Variants in RAD50 observed in about 807,000 individuals in gnomAD.
RAD50 encodes RAD50 double strand break repair protein.
RAD50 carries 132 observed loss-of-function variants against 168.8 expected under a neutral mutation model. The ratio of observed to expected loss-of-function variants is 0.78; its 90% confidence interval spans 0.68 to 0.90. The LOEUF (loss-of-function observed/expected upper bound fraction) is 0.90, where lower values mean the gene tolerates loss of function less well. Ranked by LOEUF, RAD50 falls within the 40% of genes least tolerant of loss-of-function variation. RAD50 has a pLI of 0.00. For synonymous variants in RAD50, 525 were observed against 497.4 expected, an observed-to-expected ratio of 1.06 and a Z score of -0.74; for missense variants, 1,347 against 1,534.4, an observed-to-expected ratio of 0.88 and a Z score of 2.04.
chr5:132,575,876 A>G lies in RAD50; in HGVS notation c.313A>G (p.Lys105Glu), dbSNP rs769943678. ...GCAAAGATCTATGGTGTGTACTCAG[A>G]AAAGCAAAAAGACAGAATTTAAAAC... ...AVQRSMVCTQ[K>E]SKKTEFKTLE... The change falls in exon 3 of 25, where the codon AAA (lysine) becomes GAA (glutamate). Residue 105 changes from lysine to glutamate, a missense_variant. This residue lies in a region of RAD50 where 703 missense variants were observed against 767.7 expected (regional missense o/e 0.92). Transcript: ENST00000378823. 1.9e-6 allele frequency: 3 copies of G among 1,610,828 alleles called. No individual in the cohort carries two copies. The highest frequency in any genetic ancestry group is 2.2e-5 in the South Asian group (2 of 90,994).
chr5:132,636,754 C>CCT (rs1193174622), intron 21 of RAD50, among the ~76,000 whole-genome samples: 5 of 152,138 alleles, frequency 3.3e-5, no homozygotes, highest in African/African-American at 1.2e-4. Flanking sequence ...GGAAGCATTC[C>CCT]CTCCAATAAG....
In RAD50 at chr5:132,616,060, AAAG is replaced by A; in HGVS notation, c.3098_3100del (p.Glu1033del). ...TTTAAGAAAAAGAAATGAGGAACTA[AAAG>A]AAGTTGAAGAAGAAAGAAAACAACA... On this transcript the variant is annotated inframe_deletion, in exon 20 of 25. Coordinates refer to ENST00000378823, the MANE Select transcript of RAD50 (RefSeq NM_005732.4). 1 of 1,610,686 alleles carries A rather than the reference AAAG, an allele frequency of 6.2e-7. No individual in the cohort carries two copies. Among genetic ancestry groups the A allele is most frequent in the Non-Finnish European group, 8.5e-7 (1 of 1,177,046 alleles).
rs193005701 is a variant in RAD50 at position 132,633,975 on chromosome 5, G to A, written c.3390-3140G>A. Among the ~76,000 whole-genome samples, 440 of 152,004 alleles carry A rather than the reference G, an allele frequency of 2.9e-3. 1 individual carries two copies. The highest frequency in any genetic ancestry group is 4.8e-3 in the South Asian group (23 of 4,812). ...TGAACTGTTGCAGTTATAAACTAAC[G>A]TTCTATATGCATTTGGGTTTGTTTC... On this transcript the variant is annotated intron_variant, in intron 21 of 24. Coordinates refer to ENST00000378823, the MANE Select transcript of RAD50 (RefSeq NM_005732.4).
At chr5:132,576,447 C>T (rs1750401790) in intron 3 of RAD50, among the ~76,000 whole-genome samples, 1 of 152,184 alleles carries the variant, frequency 6.6e-6, no homozygotes, top group Non-Finnish European at 1.5e-5. Flanking sequence ...GATTAGACTA[C>T]CTTAGATTCA....
In RAD50 at chr5:132,598,509, A is replaced by G. The variant is rs571694635; in HGVS notation, c.2207+2699A>G. Among the ~76,000 whole-genome samples the G allele has an allele frequency of 3.0e-4, 46 of 152,322 alleles. 1 individual carries two copies. Among genetic ancestry groups the G allele is most frequent in the Admixed American group, 2.7e-3 (41 of 15,300 alleles). On this transcript the variant is annotated intron_variant, in intron 13 of 24. Coordinates refer to ENST00000378823, the MANE Select transcript of RAD50 (RefSeq NM_005732.4). Reference sequence around the variant, plus strand: ...TAACAAACCTCAAATCTGTCTCACAATAATTTTTCATGGTTCTGTGGTATG... The same window carrying G: ...TAACAAACCTCAAATCTGTCTCACAGTAATTTTTCATGGTTCTGTGGTATG...
intron 13 of RAD50, among the ~76,000 whole-genome samples, chr5:132,601,653 A>C (rs1051738835): frequency 2.2e-4 from 34 of 152,196 alleles, no homozygotes; most frequent in Non-Finnish European, 8.8e-5. Context: ...GTATAAAAAA[A>C]AACTGTAGGT....
chr5:132,639,729 G>A (rs1459881877), intron 23 of RAD50, among the ~76,000 whole-genome samples: 1 of 152,190 alleles, frequency 6.6e-6, no homozygotes, highest in African/African-American at 2.4e-5. Flanking sequence ...TTTTGCTGAG[G>A]CTCTAGCAGC....
At position 132,603,488 on chromosome 5, in the gene RAD50, A is replaced by T; in HGVS notation, c.2396A>T (p.Gln799Leu). The T allele has an allele frequency of 6.2e-7, 1 of 1,613,536 alleles. No individual in the cohort carries two copies. The change falls in exon 14 of 25, where the codon CAG becomes CTG. Residue 799 changes from glutamine to leucine, a missense_variant and splice_region_variant. Physicochemically the swap from Gln to Leu is moderately radical, Grantham distance 113. Transcript: ENST00000378823. ...GATGTTACAATTATGGAGAGGTTCC[A>T]GGTAAGTTTATTGTAGTTTAAGGCA... ...LTDVTIMERF[Q>L]MELKDVERKI...
chr5:132,618,075 A>C lies in RAD50; in HGVS notation c.3170A>C (p.His1057Pro). 6.2e-7 allele frequency: 1 copy of C among 1,612,828 alleles called. No homozygotes were observed. ...GTCATTTTTCTTTTTTACAGTGAACATCAGAAGTTGGAAGAGAACATAGAC... is the reference window on the plus strand; with the variant it reads ...GTCATTTTTCTTTTTTACAGTGAACCTCAGAAGTTGGAAGAGAACATAGAC... Reference protein sequence around the residue: ...QMQVLQMKSEHQKLEENIDNI... With the variant: ...QMQVLQMKSEPQKLEENIDNI... Residue 1057 changes from histidine (H) to proline (P), a missense_variant, in exon 21 of 25, where the codon CAT (histidine) becomes CCT (proline). Transcript: ENST00000378823.
rs1052039395 is a variant in RAD50 at position 132,641,113 on chromosome 5, G to A, written c.3752+308G>A. Among the ~76,000 whole-genome samples the A allele has an allele frequency of 3.3e-5, 5 of 152,170 alleles. 1 individual carries two copies. The highest frequency in any genetic ancestry group is 1.2e-4 in the African/African-American group (5 of 41,448). The stretch of plus-strand genomic sequence containing the variant: ...GCCTGGTTTTCCTGTAAACCTACCA[G>A]AGGAACCCACATGTCATGCACAGCA... On this transcript the variant is annotated intron_variant, in intron 24 of 24. Transcript: ENST00000378823.
chr5:132,603,409 A>G lies in RAD50; in HGVS notation c.2317A>G (p.Thr773Ala), dbSNP rs762093973. ...AAAGAACGACATAGAAGAACAAGAA[A>G]CACTCTTGGGTACAATAATGCCTGA... ...RLKNDIEEQETLLGTIMPEEE... is the reference protein window; with the variant it reads ...RLKNDIEEQEALLGTIMPEEE... The change falls in exon 14 of 25, where the codon ACA (threonine) becomes GCA (alanine). Residue 773 changes from threonine (T) to alanine (A), a missense_variant. Physicochemically the swap from Thr to Ala is moderately conservative, Grantham distance 58. Coordinates refer to ENST00000378823, the MANE Select transcript of RAD50 (RefSeq NM_005732.4). 15 of 1,613,974 alleles carry G rather than the reference A, an allele frequency of 9.3e-6. No individual in the cohort carries two copies. Among genetic ancestry groups the G allele is most frequent in the Middle Eastern group, 1.7e-4 (1 of 6,058 alleles).
intron 19 of RAD50, among the ~76,000 whole-genome samples, chr5:132,610,734 A>G (rs1032702749): frequency 2.6e-5 from 4 of 152,210 alleles, no homozygotes; most frequent in African/African-American, 9.6e-5. Flanking sequence ...TTTATGATGC[A>G]TATATAACAA....
chr5:132,595,682 G>A lies in RAD50; in HGVS notation c.2079G>A (p.Glu693=). ...AGAGAGTTTTTCAGACAGAGGCTGA[G>A]TTACAAGAAGTCATCAGTGATTTGC... is the stretch of plus-strand genomic sequence containing the variant. ...VCQRVFQTEA[E]LQEVISDLQS... The change falls in exon 13 of 25, where the codon GAG becomes GAA. Residue 693 remains glutamate, a synonymous_variant. Coordinates refer to ENST00000378823, the MANE Select transcript of RAD50 (RefSeq NM_005732.4). 6.2e-7 allele frequency: 1 copy of A among 1,613,850 alleles called. No individual in the cohort carries two copies. Among genetic ancestry groups the A allele is most frequent in the Non-Finnish European group, 8.5e-7 (1 of 1,179,782 alleles).
At chr5:132,577,636 G>T (rs2706353) in intron 3 of RAD50, among the ~76,000 whole-genome samples, 1 of 151,718 alleles carries the variant, frequency 6.6e-6, no homozygotes, top group Non-Finnish European at 1.5e-5. Context: ...GCTCAGTCCT[G>T]TATCTTCTCC....
chr5:132,591,637 T>C (rs1750701882), intron 10 of RAD50, among the ~76,000 whole-genome samples: 1 of 152,186 alleles, frequency 6.6e-6, no homozygotes, highest in Non-Finnish European at 1.5e-5. Context: ...ACATTACTGT[T>C]AACTTTTAAC....
At chr5:132,592,751 G>A (rs574514756) in intron 11 of RAD50, 37 of 450,678 alleles carry the variant, frequency 8.2e-5, no homozygotes, top group Non-Finnish European at 1.6e-4. Context: ...CTTTCATTGT[G>A]CTTTGTCTTC....
At chr5:132,573,488 A>G (rs1010475489) in intron 2 of RAD50, among the ~76,000 whole-genome samples, 2 of 152,152 alleles carry the variant, frequency 1.3e-5, no homozygotes, top group Admixed American at 6.5e-5. Context: ...TTCTCCCACA[A>G]CACATGGGGA....
rs2149868578 is a variant in RAD50, at chr5:132,644,646, C to T, written c.*2282C>T. The T allele has an allele frequency of 5.6e-6, 1 of 177,282 alleles. No individual in the cohort carries two copies. The highest frequency in any genetic ancestry group is 2.0e-4 in the South Asian group (1 of 5,028). 11.0% of individuals were successfully genotyped at this position (177,282 alleles called of 1,614,324 possible). A position where few individuals can be genotyped will look rare whatever the true frequency, so the allele number is the denominator to read the frequency against. On this transcript the variant is annotated 3_prime_UTR_variant, in exon 25 of 25. Transcript: ENST00000378823. ...ACTCTTGTTGCAGTTATCTTTCATT[C>T]CCAGCTTGGTCACTCCCTCTTATTT...
intron 23 of RAD50, among the ~76,000 whole-genome samples, chr5:132,639,199 A>G (rs1310724442): frequency 3.9e-5 from 6 of 152,078 alleles, no homozygotes; most frequent in Admixed American, 2.0e-4. Flanking sequence ...TTAAAAATAC[A>G]AAAATTAGCT....
Sources: allele counts gnomAD v4.1 joint callset (sites outside exome capture counted in the v4.1 genomes callset), GRCh38; gene constraint gnomAD v4.1.1; regional missense constraint gnomAD v4.1.1; transcripts MANE v1.5; gene names NCBI Gene and HGNC (gene_info 2026-07-23, HGNC 2026-07-21).